ESRP1: variants seen among roughly 807,000 people sequenced by gnomAD.
The protein encoded by ESRP1 is epithelial splicing regulatory protein 1, also known as RNA-binding motif protein 35A.
A neutral mutation model predicts 81.7 loss-of-function variants in ESRP1; 33 were observed. That is an observed-to-expected ratio of 0.40 (90% confidence interval 0.31 to 0.54). The LOEUF is 0.54. Ranked by LOEUF, ESRP1 falls within the 20% of genes least tolerant of loss-of-function variation. The pLI, the probability that ESRP1 is intolerant of heterozygous loss-of-function variation, is 0.41. For missense variants in ESRP1, 672 were observed against 833.1 expected (o/e 0.81, Z 2.38); for synonymous variants, 320 against 303.3 (o/e 1.06, Z -0.57).
At chr8:94,652,477 TGG>T (rs1563520120) in intron 4 of ESRP1, among the ~76,000 whole-genome samples, 24 of 144,174 alleles carry the variant, frequency 1.7e-4, no homozygotes, top group African/African-American at 6.2e-4. Flanking sequence ...GGGGCTTCTG[TGG>T]TTTTTTTTTT....
chr8:94,705,321 C>A (rs1172257145), intron 15 of ESRP1, among the ~76,000 whole-genome samples: 2 of 152,012 alleles, frequency 1.3e-5, no homozygotes, highest in African/African-American at 4.8e-5. Flanking sequence ...GCACACACCA[C>A]TACGCCCAGC....
chr8:94,672,298 G>A (rs1175348354), intron 11 of ESRP1, among the ~76,000 whole-genome samples: 1 of 152,142 alleles, frequency 6.6e-6, no homozygotes, highest in African/African-American at 2.4e-5. Context: ...AGAACAGTAT[G>A]TGTGGATCAT....
Position 94,678,318 on chromosome 8 carries a change from G to T in ESRP1, c.1767G>T (p.Ala589=). 1 of 1,613,940 alleles carries T rather than the reference G, an allele frequency of 6.2e-7. No homozygotes were observed. The highest frequency in any genetic ancestry group is 1.3e-5 in the African/African-American group (1 of 75,030). The change falls in exon 13 of 16, where the codon GCG becomes GCT. Residue 589 remains alanine, a synonymous_variant. Coordinates refer to ENST00000433389, the MANE Select transcript of ESRP1 (RefSeq NM_017697.4). The part of the protein sequence containing the change: ...LNPRALQPST[A]YYPAGTQLFM... ...CACGAGCACTGCAGCCCTCCACAGC[G>T]TACTACCCAGCAGGCACTCAGCTCT...
At chr8:94,704,907 G>A (rs1053640829) in intron 15 of ESRP1, among the ~76,000 whole-genome samples, 1 of 151,694 alleles carries the variant, frequency 6.6e-6, no homozygotes, top group Non-Finnish European at 1.5e-5. Flanking sequence ...TTTTAAGGTT[G>A]TATGGTATAT....
rs563982073 is a variant in ESRP1 at position 94,662,518 on chromosome 8, C to T, written c.607C>T (p.Pro203Ser). ...SEPYNHRFSDPERVNYKFESG... is the reference protein window; with the variant it reads ...SEPYNHRFSDSERVNYKFESG... ...ATTTTTAGATCACAGGTTTTCAGAT[C>T]CAGAGAGAGTGAATTACAAGTTTGA... The change falls in exon 6 of 16, where the codon CCA becomes TCA. Residue 203 changes from proline (P) to serine (S), a missense_variant. Pro to Ser is a moderately conservative substitution (Grantham distance 74, BLOSUM62 -1). Coordinates refer to ENST00000433389, the MANE Select transcript of ESRP1 (RefSeq NM_017697.4). The T allele has an allele frequency of 6.8e-5, 109 of 1,608,874 alleles. No individual in the cohort carries two copies. Among genetic ancestry groups the T allele is most frequent in the Non-Finnish European group, 1.1e-5 (13 of 1,177,438 alleles).
At chr8:94,700,848 G>A (rs904303701) in intron 15 of ESRP1, among the ~76,000 whole-genome samples, 4 of 151,980 alleles carry the variant, frequency 2.6e-5, no homozygotes, top group South Asian at 2.1e-4. Context: ...AGAATGGCAT[G>A]AACCCGGAAG....
At chr8:94,692,303 T>C (rs1322296489) in intron 13 of ESRP1, among the ~76,000 whole-genome samples, 1 of 152,194 alleles carries the variant, frequency 6.6e-6, no homozygotes, top group Non-Finnish European at 1.5e-5. Flanking sequence ...TAGTTCTTTG[T>C]ATACGTGCCT....
At chr8:94,697,026 A>C in intron 15 of ESRP1, 65 bp downstream of exon 15, 1 of 1,099,986 alleles carries the variant, frequency 9.1e-7, no homozygotes, top group Non-Finnish European at 1.3e-6. Context: ...TTCTGAAGGC[A>C]TTTAGAAATC....
chr8:94,692,464 T>C (rs970572559), intron 13 of ESRP1, among the ~76,000 whole-genome samples: 2 of 152,208 alleles, frequency 1.3e-5, no homozygotes, highest in Non-Finnish European at 2.9e-5. Flanking sequence ...TATGTAATTC[T>C]GCACTAATCT....
chr8:94,698,706 A>G (rs1395934604), intron 15 of ESRP1, among the ~76,000 whole-genome samples: 1 of 152,178 alleles, frequency 6.6e-6, no homozygotes, highest in Non-Finnish European at 1.5e-5. Flanking sequence ...CTGGCATGTC[A>G]TTTTCCAATT....
intron 4 of ESRP1, among the ~76,000 whole-genome samples, chr8:94,649,350 A>G (rs1257860194): frequency 6.6e-6 from 1 of 152,026 alleles, no homozygotes; most frequent in Admixed American, 6.6e-5. Flanking sequence ...TCCTGGCCTC[A>G]TTTATTTTTT....
intron 5 of ESRP1, 31 bp downstream of exon 5, chr8:94,662,401 C>T (rs1818791825): frequency 1.3e-6 from 2 of 1,529,490 alleles, no homozygotes; most frequent in East Asian, 2.3e-5. Context: ...AGTGCAGTCC[C>T]AGAATTCATA....
chr8:94,668,416 A>T lies in ESRP1; in HGVS notation c.1233+166A>T. 7 of 617,672 alleles carry T rather than the reference A, an allele frequency of 1.1e-5. No homozygotes were observed. In the South Asian group the frequency reaches 1.6e-4, roughly 14 times the overall value. The allele number at this position is 617,672 out of a possible 1,614,324, so 38.3% of individuals were successfully genotyped here. A position where few individuals can be genotyped will look rare whatever the true frequency, so the allele number is the denominator to read the frequency against. Reference sequence around the variant, plus strand: ...CTATAACCAAGAGATAGCCGCTGTTATCCTGTACACACACACAACACATAC... The same window carrying T: ...CTATAACCAAGAGATAGCCGCTGTTTTCCTGTACACACACACAACACATAC... On this transcript the variant is annotated intron_variant, in intron 10 of 15. Transcript: ENST00000433389.
chr8:94,683,564 C>T (rs1225855838), intron 13 of ESRP1, among the ~76,000 whole-genome samples: 1 of 152,120 alleles, frequency 6.6e-6, no homozygotes, highest in Admixed American at 6.6e-5. Flanking sequence ...CAAGTGTTCT[C>T]ATAGGACCAA....
chr8:94,698,116 C>T (rs1809678781), intron 15 of ESRP1, among the ~76,000 whole-genome samples: 1 of 152,172 alleles, frequency 6.6e-6, no homozygotes, highest in African/African-American at 2.4e-5. Context: ...GTAAAATATA[C>T]ACAACAAAAC....
At chr8:94,644,561 C>G (rs1194251183) in intron 3 of ESRP1, among the ~76,000 whole-genome samples, 2 of 152,096 alleles carry the variant, frequency 1.3e-5, no homozygotes, top group Non-Finnish European at 2.9e-5. Flanking sequence ...ACATCCTTAC[C>G]AGAAATAGTA....
chr8:94,650,677 A>C (rs909670741), intron 4 of ESRP1, among the ~76,000 whole-genome samples: 3 of 152,082 alleles, frequency 2.0e-5, no homozygotes, highest in African/African-American at 7.2e-5. Context: ...TATAAACATC[A>C]CGTGCAGGTT....
intron 4 of ESRP1, chr8:94,649,643 G>A (rs555331725): frequency 1.3e-5 from 2 of 152,422 alleles, no homozygotes; most frequent in East Asian, 1.9e-4. Flanking sequence ...CGCCCAGGTA[G>A]CTGGTATTAC....
At chr8:94,677,178 T>C (rs569026192) in intron 12 of ESRP1, among the ~76,000 whole-genome samples, 1 of 152,302 alleles carries the variant, frequency 6.6e-6, no homozygotes, top group South Asian at 2.1e-4. Flanking sequence ...TGCTGTCTTA[T>C]TCATCTCCAT....
Sources: allele counts gnomAD v4.1 joint callset (sites outside exome capture counted in the v4.1 genomes callset), GRCh38; gene constraint gnomAD v4.1.1; transcripts MANE v1.5; gene names NCBI Gene and HGNC (gene_info 2026-07-23, HGNC 2026-07-21).